Variants in SLC24A2 observed in about 807,000 individuals in gnomAD.
SLC24A2 encodes the protein solute carrier family 24 member 2.
Under a neutral mutation model 62.0 loss-of-function variants are expected in SLC24A2, and 36 were observed. The observed-to-expected ratio is 0.58, with a 90% CI of 0.44 to 0.77. The LOEUF (loss-of-function observed/expected upper bound fraction) is 0.77, where lower values mean the gene tolerates loss of function less well. Among genes scored for constraint, SLC24A2 ranks in the 30% least tolerant of loss-of-function variants. SLC24A2 has a pLI of 0.00. For synonymous variants in SLC24A2, 358 were observed against 294.0 expected (o/e 1.22, Z -2.23); for missense variants, 846 against 817.9 (o/e 1.03, Z -0.42).
chr9:19,994,191 C>T, the SLC24A2 span, among the ~76,000 whole-genome samples: 579 of 152,222 alleles, frequency 3.8e-3, 2 homozygotes, highest in African/African-American at 0.013. Flanking sequence ...CAATCTCCTT[C>T]GTCAGGGAAA....
intron 4 of SLC24A2, among the ~76,000 whole-genome samples, chr9:19,613,232 G>C (rs941887043): frequency 2.6e-5 from 4 of 152,198 alleles, no homozygotes; most frequent in African/African-American, 9.7e-5. Flanking sequence ...GCCTTGTGGT[G>C]ACTGTGATTG....
rs746342226 is a variant in SLC24A2, at chr9:19,786,521, C to T, written c.346G>A (p.Ala116Thr). The T allele has an allele frequency of 7.4e-6, 12 of 1,614,014 alleles. No individual in the cohort carries two copies. The highest frequency in any genetic ancestry group is 4.0e-5 in the African/African-American group (3 of 74,910). Residue 116 changes from alanine to threonine, a missense_variant, in exon 2 of 11, where the codon GCC becomes ACC. Physicochemically the swap from Ala to Thr is moderately conservative, Grantham distance 58 (BLOSUM62 0). Transcript: ENST00000341998. The surrounding 1 kb of genome is among the most constrained non-coding windows in gnomAD (Gnocchi z 5.0). ...EGESENSTDH[A>T]QGDYPKDIFS... Reference sequence around the variant, plus strand: ...ATGTCTTTCGGGTAGTCTCCTTGGGCGTGATCTGTACTATTCTCAGACTCG... The same window carrying T: ...ATGTCTTTCGGGTAGTCTCCTTGGGTGTGATCTGTACTATTCTCAGACTCG...
the SLC24A2 span, among the ~76,000 whole-genome samples, chr9:20,191,032 T>G: frequency 7.2e-5 from 11 of 152,306 alleles, no homozygotes; most frequent in East Asian, 2.1e-3. Context: ...TCTCTAAAAC[T>G]TCAATATTTG....
At chr9:19,545,197 C>T (rs937143954) in intron 8 of SLC24A2, among the ~76,000 whole-genome samples, 1 of 151,654 alleles carries the variant, frequency 6.6e-6, no homozygotes, top group African/African-American at 2.4e-5. Flanking sequence ...TTCTGATATC[C>T]TTTCTTCTGC....
At chr9:19,735,343 A>G (rs1156443431) in intron 2 of SLC24A2, among the ~76,000 whole-genome samples, 2 of 152,128 alleles carry the variant, frequency 1.3e-5, no homozygotes, top group Non-Finnish European at 2.9e-5. Context: ...CAATCATTAA[A>G]AAGTCAGGAA....
intron 2 of SLC24A2, among the ~76,000 whole-genome samples, chr9:19,694,408 C>T (rs953262189): frequency 5.9e-5 from 9 of 151,876 alleles, no homozygotes; most frequent in South Asian, 2.1e-4. Flanking sequence ...ATTTGTTAAC[C>T]GGAGAAGAGG....
chr9:19,581,538 G>C (rs887586005), intron 5 of SLC24A2, among the ~76,000 whole-genome samples: 1 of 152,198 alleles, frequency 6.6e-6, no homozygotes, highest in Non-Finnish European at 1.5e-5. Flanking sequence ...AATACCCATT[G>C]CATGTTTCAA....
chr9:20,246,021 G>A, the SLC24A2 span, among the ~76,000 whole-genome samples: 386 of 152,244 alleles, frequency 2.5e-3, no homozygotes, highest in Middle Eastern at 0.024. Flanking sequence ...AAAACTCTAT[G>A]TATACTGTTC....
the SLC24A2 span, among the ~76,000 whole-genome samples, chr9:19,910,669 G>C: frequency 6.6e-6 from 1 of 151,940 alleles, no homozygotes; most frequent in African/African-American, 2.4e-5. Flanking sequence ...CTTTTCTCAG[G>C]CCTTCTTGCC....
intron 4 of SLC24A2, among the ~76,000 whole-genome samples, chr9:19,605,292 A>AT (rs1277111167): frequency 6.6e-6 from 1 of 152,192 alleles, no homozygotes; most frequent in African/African-American, 2.4e-5. Context: ...GGAAAGATAC[A>AT]TTTTTTAGTC....
the SLC24A2 span, among the ~76,000 whole-genome samples, chr9:20,184,534 C>T: frequency 4.6e-5 from 7 of 152,094 alleles, no homozygotes; most frequent in South Asian, 2.1e-4. Context: ...GGCAACAGAG[C>T]GAGACTCCAT....
At chr9:20,287,237 T>C in the SLC24A2 span, among the ~76,000 whole-genome samples, 1 of 152,200 alleles carries the variant, frequency 6.6e-6, no homozygotes, top group African/African-American at 2.4e-5. Flanking sequence ...AATGGGACAT[T>C]TCTTGCAGGA....
chr9:19,866,940 G>A, the SLC24A2 span, among the ~76,000 whole-genome samples: 6 of 152,054 alleles, frequency 3.9e-5, no homozygotes, highest in African/African-American at 1.2e-4. Context: ...TTGGATGGGA[G>A]GTGGGGATGG....
intron 2 of SLC24A2, among the ~76,000 whole-genome samples, chr9:19,645,263 A>C (rs1348575818): frequency 6.6e-6 from 1 of 152,318 alleles, no homozygotes; most frequent in East Asian, 1.9e-4. Context: ...AGACCAAGCT[A>C]TCTGGAATTT....
At chr9:19,727,116 G>T (rs1287700643) in intron 2 of SLC24A2, among the ~76,000 whole-genome samples, 1 of 152,104 alleles carries the variant, frequency 6.6e-6, no homozygotes, top group African/African-American at 2.4e-5. Context: ...AGAAAAGAAA[G>T]CAGTTCTGTG....
At chr9:19,851,150 A>C in the SLC24A2 span, among the ~76,000 whole-genome samples, 2 of 146,232 alleles carry the variant, frequency 1.4e-5, no homozygotes, top group African/African-American at 5.1e-5. Flanking sequence ...CAGCCTCCCG[A>C]GTAGTTGGGA....
upstream of SLC24A2, among the ~76,000 whole-genome samples, chr9:19,790,802 C>T (rs1823310329): frequency 6.6e-6 from 1 of 152,164 alleles, no homozygotes; most frequent in Non-Finnish European, 1.5e-5. Context: ...CAATCCTATT[C>T]TTCCCTGAGG....
intron 7 of SLC24A2, among the ~76,000 whole-genome samples, chr9:19,558,385 C>T (rs947846921): frequency 1.4e-4 from 21 of 152,296 alleles, no homozygotes; most frequent in African/African-American, 4.8e-4. Context: ...TGTCTTTTAG[C>T]ATCTCTACCC....
the SLC24A2 span, among the ~76,000 whole-genome samples, chr9:19,822,644 G>A: frequency 1.3e-5 from 2 of 152,110 alleles, no homozygotes; most frequent in African/African-American, 4.8e-5. Flanking sequence ...TAATTAACTA[G>A]GTAATGTGCT....
Sources: gnomAD v4.1 joint callset for allele counts (sites outside exome capture counted in the v4.1 genomes callset) on GRCh38, gnomAD v4.1.1 for gene constraint, Gnocchi (gnomAD v3.1) non-coding constraint, MANE v1.5 for transcripts, NCBI Gene and HGNC (gene_info 2026-07-23, HGNC 2026-07-21) for gene names.